HMCN1: variants seen among roughly 807,000 people sequenced by gnomAD.
The protein encoded by HMCN1 is hemicentin-1.
In HMCN1, 321 loss-of-function variants were observed where a neutral mutation model predicts 625.9. That is an observed-to-expected ratio of 0.51 (90% confidence interval 0.47 to 0.56). HMCN1 has a LOEUF of 0.56. Among genes scored for constraint, HMCN1 ranks in the 20% least tolerant of loss-of-function variants. The pLI is 0.00. For synonymous variants in HMCN1, 2,425 were observed against 2,417.6 expected (o/e 1.00, Z -0.09); for missense variants, 6,588 against 6,887.3 (o/e 0.96, Z 1.54).
chr1:186,050,767 A>T (rs991057876), intron 42 of HMCN1, among the ~76,000 whole-genome samples: 1 of 152,104 alleles, frequency 6.6e-6, no homozygotes, highest in Non-Finnish European at 1.5e-5. Context: ...AGATTCACTT[A>T]AAAAATACTT....
chr1:186,149,884 C>A lies in HMCN1; in HGVS notation c.14609-1316C>A, dbSNP rs80078659. 2.6e-3 allele frequency among the ~76,000 whole-genome samples: 393 copies of A among 152,222 alleles called. 3 individuals are homozygous for A. The highest frequency in any genetic ancestry group is 9.1e-3 in the African/African-American group (379 of 41,538). On this transcript the variant is annotated intron_variant, in intron 93 of 106. Coordinates refer to ENST00000271588, the MANE Select transcript of HMCN1 (RefSeq NM_031935.3). ...CTGGTGGTCGATGGAGCAGTCAGAA[C>A]ACACAAAACATTGATTAAGTTCACC...
At chr1:186,117,782 TAGAA>T (rs1023770350) in intron 77 of HMCN1, among the ~76,000 whole-genome samples, 159 bp downstream of exon 77, 5 of 152,180 alleles carry the variant, frequency 3.3e-5, no homozygotes, top group African/African-American at 9.7e-5. Flanking sequence ...ATTTTTAACA[TAGAA>T]AGGGGTTCTA....
At position 186,189,752 on chromosome 1, in the gene HMCN1, A is replaced by G. The variant is rs2102687554; in HGVS notation, c.16782A>G (p.Thr5594=). Residue 5594 remains threonine (T), a synonymous_variant, in exon 107 of 107, where the codon ACA becomes ACG. Transcript: ENST00000271588. ...ACCTGAAAGGAGTGGTGTATACAAC[A>G]CGACCACTACGAGAAGCAGAGACCT... ...DENLKGVVYT[T]RPLREAETYR... 1.9e-6 allele frequency: 3 copies of G among 1,613,690 alleles called. No individual in the cohort carries two copies. The East Asian group carries it at 6.7e-5, about 36-fold the overall frequency.
At chr1:185,856,315 G>T (rs929129387) in intron 2 of HMCN1, among the ~76,000 whole-genome samples, 1 of 151,724 alleles carries the variant, frequency 6.6e-6, no homozygotes, top group Non-Finnish European at 1.5e-5. Flanking sequence ...CTGGTGAAAC[G>T]CTGTCTCTAC....
intron 35 of HMCN1, among the ~76,000 whole-genome samples, chr1:186,020,468 A>C (rs1365119889): frequency 6.6e-6 from 1 of 152,046 alleles, no homozygotes; most frequent in African/African-American, 2.4e-5. Flanking sequence ...AATCCAATGG[A>C]AATAATCTCA....
rs76302948 is a variant in HMCN1, at chr1:186,014,421, A to C, written c.4631-738A>C. 1.4e-4 allele frequency among the ~76,000 whole-genome samples: 21 copies of C among 152,108 alleles called. No homozygotes were observed. The East Asian group carries it at 3.9e-3, about 28-fold the overall frequency. On this transcript the variant is annotated intron_variant, in intron 30 of 106. Coordinates refer to ENST00000271588, the MANE Select transcript of HMCN1 (RefSeq NM_031935.3). ...CATGTGCCATGCTGGTTATAAGATTATATTGATACTCAAATTCATACACAT... is the reference window on the plus strand; with the variant it reads ...CATGTGCCATGCTGGTTATAAGATTCTATTGATACTCAAATTCATACACAT...
intron 89 of HMCN1, among the ~76,000 whole-genome samples, chr1:186,141,575 T>C (rs1411908348): frequency 2.6e-5 from 4 of 152,154 alleles, no homozygotes; most frequent in Non-Finnish European, 4.4e-5. Context: ...AAAATACATA[T>C]ATAGCTACAG....
At chr1:185,882,672 A>C (rs1046738383) in intron 4 of HMCN1, among the ~76,000 whole-genome samples, 8 of 152,146 alleles carry the variant, frequency 5.3e-5, no homozygotes, top group Non-Finnish European at 1.0e-4. Flanking sequence ...CTTAGCTTTT[A>C]TGATGGAAAT....
intron 4 of HMCN1, among the ~76,000 whole-genome samples, chr1:185,891,979 G>A (rs975205281): frequency 6.6e-6 from 1 of 151,090 alleles, no homozygotes; most frequent in East Asian, 1.9e-4. Flanking sequence ...TTTTCACATA[G>A]TCCCACATTT....
intron 15 of HMCN1, among the ~76,000 whole-genome samples, chr1:185,975,887 GACACACACACAC>G (rs144472059): frequency 6.7e-6 from 1 of 149,342 alleles, no homozygotes; most frequent in Non-Finnish European, 1.5e-5. Context: ...TTATGCACCA[GACACACACACAC>G]ACACACACGC....
intron 11 of HMCN1, among the ~76,000 whole-genome samples, chr1:185,954,824 T>A (rs577215823): frequency 6.6e-5 from 10 of 152,294 alleles, no homozygotes; most frequent in African/African-American, 1.9e-4. Context: ...ATCAATTTTT[T>A]AAAAATGGAA....
At chr1:185,922,344 AACTGCTGACC>A in intron 6 of HMCN1, 25 bp from the exon 7 acceptor site, 1 of 1,611,944 alleles carries the variant, frequency 6.2e-7, no homozygotes, top group Non-Finnish European at 8.5e-7. Context: ...ATACTGGATC[AACTGCTGACC>A]AGGTTTGTCA....
chr1:185,908,806 T>C (rs1666244767), intron 4 of HMCN1, among the ~76,000 whole-genome samples: 1 of 149,256 alleles, frequency 6.7e-6, no homozygotes, highest in Non-Finnish European at 1.5e-5. Flanking sequence ...TTTTCTATAA[T>C]TAGTATGCTG....
At chr1:185,943,267 G>A (rs1668173301) in intron 11 of HMCN1, among the ~76,000 whole-genome samples, 1 of 152,106 alleles carries the variant, frequency 6.6e-6, no homozygotes. Context: ...AGAAGTATAG[G>A]CGACAAACTA....
At chr1:185,991,661 A>G (rs1056208847) in intron 22 of HMCN1, among the ~76,000 whole-genome samples, 2 of 150,402 alleles carry the variant, frequency 1.3e-5, no homozygotes, top group Non-Finnish European at 3.0e-5. Flanking sequence ...TCTACATTTT[A>G]TTTTTTCATT....
chr1:186,012,407 T>G lies in HMCN1; in HGVS notation c.4631-2752T>G, dbSNP rs933837133. Among the ~76,000 whole-genome samples, 24 of 152,068 alleles carry G rather than the reference T, an allele frequency of 1.6e-4. 1 individual carries two copies. Among genetic ancestry groups the G allele is most frequent in the Admixed American group, 1.6e-3 (24 of 15,256 alleles). On this transcript the variant is annotated intron_variant, in intron 30 of 106. Transcript: ENST00000271588. ...CCTTCAGGTTTTTTTTGGTATTTTT[T>G]TTTTGTACTTTCATTGGTTCCTCAA...
At chr1:185,972,451 T>C (rs2101975368) in intron 15 of HMCN1, among the ~76,000 whole-genome samples, 1 of 152,332 alleles carries the variant, frequency 6.6e-6, no homozygotes, top group South Asian at 2.1e-4. Context: ...ATTTATGCTT[T>C]ATTTCTTGAA....
chr1:186,172,956 A>G (rs1652325555), intron 102 of HMCN1, among the ~76,000 whole-genome samples: 1 of 152,172 alleles, frequency 6.6e-6, no homozygotes, highest in Admixed American at 6.5e-5. Context: ...GATCACATTT[A>G]AATATAGGTT....
At chr1:185,969,879 A>T (rs984021372) in intron 14 of HMCN1, among the ~76,000 whole-genome samples, 20 of 152,164 alleles carry the variant, frequency 1.3e-4, no homozygotes, top group African/African-American at 4.8e-4. Context: ...CTTTGTTGAG[A>T]CATCTTCTGC....
Sources: allele counts gnomAD v4.1 joint callset (sites outside exome capture counted in the v4.1 genomes callset), GRCh38; gene constraint gnomAD v4.1.1; transcripts MANE v1.5; gene names NCBI Gene and HGNC (gene_info 2026-07-23, HGNC 2026-07-21).